Variants in AP2B1 observed in about 807,000 individuals in gnomAD.
AP2B1 encodes adaptor related protein complex 2 subunit beta 1.
In AP2B1, 23 loss-of-function variants were observed where a neutral mutation model predicts 102.0. That is an observed-to-expected ratio of 0.23 (90% CI 0.16 to 0.32). AP2B1 has a LOEUF of 0.32. Ranked by LOEUF, AP2B1 falls within the 10% of genes least tolerant of loss-of-function variation. The pLI, the probability that AP2B1 is intolerant of heterozygous loss-of-function variation, is 1.00. For missense variants in AP2B1, 541 were observed against 1,157.4 expected, an observed-to-expected ratio of 0.47 and a Z score of 7.73; for synonymous variants, 381 against 421.2, an observed-to-expected ratio of 0.90 and a Z score of 1.17.
chr17:35,604,527 G>A (rs1417557463), intron 3 of AP2B1, among the ~76,000 whole-genome samples: 6 of 151,672 alleles, frequency 4.0e-5, no homozygotes, highest in Non-Finnish European at 8.8e-5. Context: ...GGAGGCCAAG[G>A]CAGGTGGATC....
chr17:35,593,317 CAAAG>C (rs1432771678), intron 1 of AP2B1, among the ~76,000 whole-genome samples: 4 of 151,900 alleles, frequency 2.6e-5, no homozygotes, highest in Admixed American at 2.0e-4. Context: ...GTTTATAATA[CAAAG>C]AAAGGATAAA....
rs778490808 is a variant in AP2B1 at position 35,642,020 on chromosome 17, A to G, written c.1536+45A>G. 2.1e-6 allele frequency: 3 copies of G among 1,428,318 alleles called. No homozygotes were observed. The Admixed American group carries it at 5.1e-5, about 24-fold the overall frequency. The allele number at this position is 1,428,318 out of a possible 1,614,324, so 88.5% of individuals were successfully genotyped here. On this transcript the variant is annotated intron_variant, in intron 12 of 21. Transcript: ENST00000610402. ...CAAGATGTTGATTTGTCTTGTTTCA[A>G]ATTGTAGGAAATTATGAAACTCTTC...
At chr17:35,656,884 C>CA (rs11400227) in intron 13 of AP2B1, among the ~76,000 whole-genome samples, 116,021 of 137,836 alleles carry the variant, frequency 0.84, 48,530 homozygotes, top group East Asian at 0.95. Flanking sequence ...GACTCCGTCT[C>CA]AAAAAAAAAA....
chr17:35,678,970 G>C (rs903414486), intron 17 of AP2B1, among the ~76,000 whole-genome samples: 17 of 151,772 alleles, frequency 1.1e-4, no homozygotes, highest in Non-Finnish European at 2.4e-4. Flanking sequence ...TTGTTTGTTT[G>C]TTTGTTTGTT....
At chr17:35,607,966 A>T (rs114843578) in intron 4 of AP2B1, 176 bp from the exon 5 acceptor site, 7 of 723,438 alleles carry the variant, frequency 9.7e-6, no homozygotes, top group Non-Finnish European at 1.6e-5. Context: ...TAAACTCTTA[A>T]ATAGGGCAGC....
At chr17:35,612,612 T>A (rs1456693570) in intron 5 of AP2B1, among the ~76,000 whole-genome samples, 2 of 152,180 alleles carry the variant, frequency 1.3e-5, no homozygotes, top group Non-Finnish European at 2.9e-5. Flanking sequence ...TTCTCACATT[T>A]CTCCTTAAAG....
intron 2 of AP2B1, chr17:35,597,123 G>T: frequency 1.9e-6 from 1 of 513,408 alleles, no homozygotes; most frequent in Non-Finnish European, 3.6e-6. Flanking sequence ...ACCTCCGGAA[G>T]CGGAGACTGT....
intron 18 of AP2B1, among the ~76,000 whole-genome samples, chr17:35,702,294 T>C (rs189556686): frequency 3.3e-5 from 5 of 152,334 alleles, no homozygotes; most frequent in African/African-American, 1.2e-4. Flanking sequence ...AAGACCTATC[T>C]GAAAAGATAA....
chr17:35,701,833 G>A (rs1422846733), intron 18 of AP2B1, among the ~76,000 whole-genome samples: 1 of 152,168 alleles, frequency 6.6e-6, no homozygotes, highest in Non-Finnish European at 1.5e-5. Context: ...GCCCAAGCTT[G>A]TCTCGAACTC....
chr17:35,600,574 T>C (rs184405842), intron 3 of AP2B1, among the ~76,000 whole-genome samples: 20 of 152,344 alleles, frequency 1.3e-4, no homozygotes, highest in African/African-American at 4.6e-4. Context: ...CAGGAACTTA[T>C]GAGAATCTAG....
At chr17:35,614,870 T>C (rs990786912) in intron 5 of AP2B1, among the ~76,000 whole-genome samples, 1 of 152,198 alleles carries the variant, frequency 6.6e-6, no homozygotes, top group African/African-American at 2.4e-5. Flanking sequence ...ATTTTGACTA[T>C]GTGCTAGCCA....
intron 3 of AP2B1, among the ~76,000 whole-genome samples, chr17:35,599,225 T>C (rs2073396477): frequency 6.6e-6 from 1 of 152,244 alleles, no homozygotes; most frequent in Admixed American, 6.5e-5. Context: ...GTGCAGTTGT[T>C]TGAACTGCAA....
intron 18 of AP2B1, among the ~76,000 whole-genome samples, chr17:35,693,416 C>T (rs138930800): frequency 3.3e-5 from 5 of 152,234 alleles, no homozygotes; most frequent in African/African-American, 9.6e-5. Flanking sequence ...TGAATCAAGG[C>T]ACCCAGGGCC....
chr17:35,590,146 G>A (rs949448641), intron 1 of AP2B1, among the ~76,000 whole-genome samples: 1 of 151,992 alleles, frequency 6.6e-6, no homozygotes, highest in African/African-American at 2.4e-5. Context: ...GGATGGTCTC[G>A]ATCTCCTGAC....
At chr17:35,658,366 C>T (rs750905420) in intron 14 of AP2B1, among the ~76,000 whole-genome samples, 6 of 150,948 alleles carry the variant, frequency 4.0e-5, no homozygotes, top group Non-Finnish European at 8.8e-5. Flanking sequence ...TCTTCCCCAC[C>T]TACTCCATTC....
chr17:35,592,081 A>G (rs1337004137), intron 1 of AP2B1, among the ~76,000 whole-genome samples: 1 of 152,154 alleles, frequency 6.6e-6, no homozygotes, highest in Non-Finnish European at 1.5e-5. Context: ...TAGAGATCAG[A>G]TTTGAACCAG....
chr17:35,683,167 C>T (rs900240631), intron 18 of AP2B1, among the ~76,000 whole-genome samples: 1 of 152,286 alleles, frequency 6.6e-6, no homozygotes, highest in Non-Finnish European at 1.5e-5. Context: ...CATGAGCCAC[C>T]GCGCCTCGCC....
chr17:35,709,570 A>G (rs935838641), intron 19 of AP2B1, among the ~76,000 whole-genome samples: 1 of 152,234 alleles, frequency 6.6e-6, no homozygotes, highest in Non-Finnish European at 1.5e-5. Context: ...TTTGGGGACC[A>G]GGTAAATATG....
intron 3 of AP2B1, among the ~76,000 whole-genome samples, chr17:35,601,817 G>A (rs950155142): frequency 7.6e-6 from 1 of 130,894 alleles, no homozygotes; most frequent in African/African-American, 2.9e-5. Flanking sequence ...TGCTCTTGTT[G>A]CCCAGGCTGC....
Sources: allele counts gnomAD v4.1 joint callset (sites outside exome capture counted in the v4.1 genomes callset), GRCh38; gene constraint gnomAD v4.1.1; transcripts MANE v1.5; gene names NCBI Gene and HGNC (gene_info 2026-07-23, HGNC 2026-07-21).